The following SGCG variants were observed in gnomAD, a reference collection of about 807,000 sequenced individuals.
The protein encoded by SGCG is gamma-sarcoglycan.
SGCG carries 26 observed loss-of-function variants against 29.3 expected under a neutral mutation model. The ratio of observed to expected loss-of-function variants is 0.89; its 90% CI spans 0.65 to 1.23. The LOEUF is 1.23. SGCG is among the 50% of genes most tolerant of loss of function. The probability of loss-of-function intolerance (pLI) is 0.00; values close to 1 mark genes in which losing one functional copy is unlikely to be tolerated. For synonymous variants in SGCG, 145 were observed against 129.7 expected, an observed-to-expected ratio of 1.12 and a Z score of -0.80; for missense variants, 353 against 356.0, an observed-to-expected ratio of 0.99 and a Z score of 0.07.
upstream of SGCG, among the ~76,000 whole-genome samples, chr13:23,179,187 A>G (rs1876652492): frequency 6.6e-6 from 1 of 152,216 alleles, no homozygotes; most frequent in African/African-American, 2.4e-5. Flanking sequence ...GAACATTTCA[A>G]AATGTGTGTG....
intron 1 of SGCG, among the ~76,000 whole-genome samples, chr13:23,201,719 A>G (rs1593169999): frequency 6.6e-6 from 1 of 152,228 alleles, no homozygotes; most frequent in African/African-American, 2.4e-5. Context: ...AGGAAACTAT[A>G]TATATAGGAC....
intron 1 of SGCG, among the ~76,000 whole-genome samples, chr13:23,190,816 C>T (rs1565993242): frequency 1.3e-5 from 2 of 152,128 alleles, no homozygotes; most frequent in Admixed American, 6.5e-5. Context: ...CATCACAGGA[C>T]TTTGAAGAGA....
In SGCG at chr13:23,288,278, A is replaced by G. The variant is rs552973809; in HGVS notation, c.506-7137A>G. Reference sequence around the variant, plus strand: ...CTCTGAGGACTGGAAAGAAAATCCAATTCTTTGCTTCTTTTCTCCGCCCTT... The same window carrying G: ...CTCTGAGGACTGGAAAGAAAATCCAGTTCTTTGCTTCTTTTCTCCGCCCTT... On this transcript the variant is annotated intron_variant, in intron 5 of 7. Transcript: ENST00000218867. 2.9e-4 allele frequency among the ~76,000 whole-genome samples: 44 copies of G among 152,252 alleles called. No homozygotes were observed. The South Asian group carries it at 7.5e-3, about 26-fold the overall frequency.
At chr13:23,252,575 C>G (rs1051912277) in intron 4 of SGCG, among the ~76,000 whole-genome samples, 1 of 152,062 alleles carries the variant, frequency 6.6e-6, no homozygotes, top group African/African-American at 2.4e-5. Context: ...CCTGTAGTCT[C>G]AGCTACTTGG....
chr13:23,237,763 ATAAAACT>A (rs1879365573), intron 3 of SGCG, among the ~76,000 whole-genome samples: 1 of 151,172 alleles, frequency 6.6e-6, no homozygotes, highest in Non-Finnish European at 1.5e-5. Context: ...ACAGTGGAAC[ATAAAACT>A]TGAAATTTCA....
the SGCG span, among the ~76,000 whole-genome samples, chr13:23,174,359 T>G: frequency 6.6e-6 from 1 of 152,058 alleles, no homozygotes; most frequent in Non-Finnish European, 1.5e-5. Flanking sequence ...GAGGATGTGA[T>G]AGAGGTAAAC....
intron 6 of SGCG, among the ~76,000 whole-genome samples, chr13:23,300,301 C>G (rs1374413441): frequency 6.6e-6 from 1 of 152,126 alleles, no homozygotes; most frequent in Non-Finnish European, 1.5e-5. Flanking sequence ...ATTCCCAGGT[C>G]CCAACAATAA....
intron 1 of SGCG, among the ~76,000 whole-genome samples, chr13:23,188,928 C>T (rs1001577279): frequency 6.6e-6 from 1 of 152,148 alleles, no homozygotes; most frequent in Non-Finnish European, 1.5e-5. Flanking sequence ...GGCTTTGAGG[C>T]AGATCACTTT....
At chr13:23,276,087 T>A (rs1881056480) in intron 4 of SGCG, among the ~76,000 whole-genome samples, 1 of 152,198 alleles carries the variant, frequency 6.6e-6, no homozygotes, top group Non-Finnish European at 1.5e-5. Context: ...GATAGCTCTT[T>A]TCTTATCAAC....
chr13:23,195,111 C>T (rs1239629229), intron 1 of SGCG, among the ~76,000 whole-genome samples: 1 of 152,214 alleles, frequency 6.6e-6, no homozygotes, highest in African/African-American at 2.4e-5. Flanking sequence ...TACCAAATAA[C>T]AACCGGTCTT....
intron 1 of SGCG, among the ~76,000 whole-genome samples, chr13:23,199,133 C>A (rs1005372186): frequency 6.6e-6 from 1 of 151,584 alleles, no homozygotes; most frequent in African/African-American, 2.4e-5. Flanking sequence ...TTAAATATAG[C>A]ACCAACATAC....
Position 23,235,377 on chromosome 13 carries a change from C to CAA in SGCG, c.297+676_297+677dup, listed in dbSNP as rs139839030. On this transcript the variant is annotated intron_variant, in intron 3 of 7. Coordinates refer to ENST00000218867, the MANE Select transcript of SGCG (RefSeq NM_000231.3). ...TCCATCTCAAAAAAAGAAGAAAAAA[C>CAA]AAAAAAAAAAAAGAAAGAAATTTGT... Among the ~76,000 whole-genome samples, 56 of 136,206 alleles carry CAA rather than the reference C, an allele frequency of 4.1e-4. No homozygotes were observed. The South Asian group carries it at 0.01, about 25-fold the overall frequency. The allele number at this position is 136,206 out of a possible 152,430, so 89.4% of individuals were successfully genotyped here.
intron 5 of SGCG, among the ~76,000 whole-genome samples, chr13:23,288,539 A>T (rs1389161003): frequency 6.6e-6 from 1 of 152,204 alleles, no homozygotes; most frequent in Non-Finnish European, 1.5e-5. Context: ...TAGGATACTG[A>T]ATAATAGTTT....
chr13:23,270,569 G>A (rs1177623234), intron 4 of SGCG, among the ~76,000 whole-genome samples: 1 of 151,912 alleles, frequency 6.6e-6, no homozygotes, highest in African/African-American at 2.4e-5. Flanking sequence ...TACCAATTAG[G>A]CATTTTAACT....
Position 23,194,588 on chromosome 13 carries a change from C to T in SGCG, c.1-9107C>T, listed in dbSNP as rs183346198. ...AGTGCAGTGTTAGGTCCATTAACTTCTGATAGCAGAGGCCAGCTTCTCTCT... is the reference window on the plus strand; with the variant it reads ...AGTGCAGTGTTAGGTCCATTAACTTTTGATAGCAGAGGCCAGCTTCTCTCT... On this transcript the variant is annotated intron_variant, in intron 1 of 7. Coordinates refer to ENST00000218867, the MANE Select transcript of SGCG (RefSeq NM_000231.3). Among the ~76,000 whole-genome samples, 141 of 152,316 alleles carry T rather than the reference C, an allele frequency of 9.3e-4. 1 individual carries two copies. The highest frequency in any genetic ancestry group is 3.2e-3 in the African/African-American group (132 of 41,574).
intron 4 of SGCG, chr13:23,268,473 C>T (rs1472517064): frequency 6.6e-6 from 1 of 152,614 alleles, no homozygotes; most frequent in Non-Finnish European, 1.5e-5. Flanking sequence ...CCTACAGAGG[C>T]CTCAAAAGAA....
At chr13:23,223,579 A>C (rs181319862) in intron 2 of SGCG, among the ~76,000 whole-genome samples, 266 of 152,322 alleles carry the variant, frequency 1.7e-3, no homozygotes, top group African/African-American at 5.3e-3. Context: ...GTCACGTTTC[A>C]GATAATAGGA....
chr13:23,256,012 C>G (rs1880162445), intron 4 of SGCG, among the ~76,000 whole-genome samples: 1 of 152,186 alleles, frequency 6.6e-6, no homozygotes, highest in African/African-American at 2.4e-5. Flanking sequence ...CACAGATTCT[C>G]TATAACCAAG....
chr13:23,283,475 C>T (rs1025488309), intron 5 of SGCG, among the ~76,000 whole-genome samples: 1 of 152,146 alleles, frequency 6.6e-6, no homozygotes, highest in Admixed American at 6.6e-5. Flanking sequence ...CTTGGCAGCT[C>T]TTCCTCCATC....
Sources: gnomAD v4.1 joint callset for allele counts (sites outside exome capture counted in the v4.1 genomes callset) on GRCh38, gnomAD v4.1.1 for gene constraint, MANE v1.5 for transcripts, NCBI Gene and HGNC (gene_info 2026-07-23, HGNC 2026-07-21) for gene names.